IPO11: variants seen among roughly 807,000 people sequenced by gnomAD.
IPO11 encodes importin-11.
Under a neutral mutation model 143.2 loss-of-function variants are expected in IPO11, and 66 were observed. That is an observed-to-expected ratio of 0.46 (90% CI 0.38 to 0.57). The LOEUF is 0.57. IPO11 is among the 20% of genes least tolerant of loss of function. The pLI is 0.00. For missense variants in IPO11, 1,026 were observed against 1,141.0 expected (o/e 0.90, Z 1.45); for synonymous variants, 385 against 377.8 (o/e 1.02, Z -0.22).
intron 24 of IPO11, 141 bp from the exon 25 acceptor site, chr5:62,550,226 G>C: frequency 1.8e-6 from 1 of 560,580 alleles, no homozygotes; most frequent in Admixed American, 3.3e-5. Context: ...TCTAGTGTCA[G>C]AATATTGCAT....
At chr5:62,474,373 T>C in intron 7 of IPO11, 43 bp from the exon 8 acceptor site, 1 of 1,220,314 alleles carries the variant, frequency 8.2e-7, no homozygotes, top group Non-Finnish European at 1.2e-6. Flanking sequence ...GGTAAATGTT[T>C]ATAACAATAA....
chr5:62,601,714 G>A (rs1027876752), intron 28 of IPO11, 50 bp from the exon 29 acceptor site: 3 of 968,206 alleles, frequency 3.1e-6, no homozygotes, highest in African/African-American at 1.7e-5. Flanking sequence ...ATTTTTAAGT[G>A]TATTATAGAC....
chr5:62,426,016 A>G (rs1162518293), intron 1 of IPO11, among the ~76,000 whole-genome samples: 1 of 152,236 alleles, frequency 6.6e-6, no homozygotes, highest in Non-Finnish European at 1.5e-5. Flanking sequence ...TTTGATTATA[A>G]GACTCAGAGT....
chr5:62,432,408 G>A (rs1160787108), intron 1 of IPO11, among the ~76,000 whole-genome samples: 1 of 152,174 alleles, frequency 6.6e-6, no homozygotes, highest in African/African-American at 2.4e-5. Flanking sequence ...CTGGCTGGCT[G>A]GCTACCCATT....
rs115681728 is a variant in IPO11, at chr5:62,590,078, C to T, written c.2583-1499C>T. Among the ~76,000 whole-genome samples the T allele has an allele frequency of 4.8e-3, 726 of 152,324 alleles. 7 individuals carry two copies. Among genetic ancestry groups the T allele is most frequent in the African/African-American group, 0.017 (699 of 41,576 alleles). ...TCTGGATTTCAGTCTTGGCTTTAGC[C>T]GCTAGCAGCTGTGGGGACACTCCAC... On this transcript the variant is annotated intron_variant, in intron 27 of 29. Coordinates refer to ENST00000325324, the MANE Select transcript of IPO11 (RefSeq NM_016338.5).
intron 20 of IPO11, among the ~76,000 whole-genome samples, chr5:62,516,614 T>A (rs1346200205): frequency 6.6e-6 from 1 of 152,120 alleles, no homozygotes; most frequent in Non-Finnish European, 1.5e-5. Context: ...TGGTTATGGA[T>A]GACTTTTAGT....
At chr5:62,454,363 C>T (rs1561317609) in intron 5 of IPO11, among the ~76,000 whole-genome samples, 3 of 152,248 alleles carry the variant, frequency 2.0e-5, no homozygotes, top group South Asian at 2.1e-4. Flanking sequence ...ACTTCTAGGA[C>T]TTACTTTTTT....
At chr5:62,431,785 A>G (rs375942004) in intron 1 of IPO11, among the ~76,000 whole-genome samples, 11 of 152,216 alleles carry the variant, frequency 7.2e-5, no homozygotes, top group East Asian at 1.9e-4. Context: ...TATTAAAAAT[A>G]TAAAAGTTAG....
At chr5:62,438,438 A>G (rs912634572) in intron 2 of IPO11, among the ~76,000 whole-genome samples, 7 of 152,298 alleles carry the variant, frequency 4.6e-5, no homozygotes, top group East Asian at 1.9e-4. Flanking sequence ...AATTTTAGGC[A>G]TAGTATAAAT....
intron 29 of IPO11, among the ~76,000 whole-genome samples, chr5:62,611,965 A>C (rs1159701242): frequency 6.6e-6 from 1 of 152,214 alleles, no homozygotes; most frequent in Non-Finnish European, 1.5e-5. Flanking sequence ...GCCATTTTGA[A>C]GAAATTGATT....
At chr5:62,566,778 A>G (rs1279856592) in intron 27 of IPO11, among the ~76,000 whole-genome samples, 2 of 151,976 alleles carry the variant, frequency 1.3e-5, no homozygotes, top group African/African-American at 4.8e-5. Flanking sequence ...ATTCATAAAG[A>G]TATGAGTGAT....
chr5:62,609,337 G>C (rs1745846817), intron 29 of IPO11, among the ~76,000 whole-genome samples: 1 of 152,196 alleles, frequency 6.6e-6, no homozygotes. Context: ...TGGGCCATAT[G>C]ACTTCAGGCT....
chr5:62,482,221 CT>C (rs1400997663), intron 9 of IPO11, among the ~76,000 whole-genome samples: 5 of 152,092 alleles, frequency 3.3e-5, no homozygotes, highest in Non-Finnish European at 2.9e-5. Context: ...TTTTGTTGAT[CT>C]TTTCAAAAAA....
rs181819887 is a variant in IPO11, at chr5:62,623,560, G to A, written c.2764-3594G>A. Among the ~76,000 whole-genome samples, 363 of 151,904 alleles carry A rather than the reference G, an allele frequency of 2.4e-3. 2 individuals are homozygous for A. Among genetic ancestry groups the A allele is most frequent in the Admixed American group, 4.3e-3 (66 of 15,276 alleles). ...CTTATTAAGAAATACAGGAATAAAA[G>A]AATGGCTACTCCATAGGCAGAGCAG... On this transcript the variant is annotated intron_variant, in intron 29 of 29. Transcript: ENST00000325324.
chr5:62,413,973 C>T (rs1185604088), intron 1 of IPO11, among the ~76,000 whole-genome samples: 1 of 152,166 alleles, frequency 6.6e-6, no homozygotes, highest in Non-Finnish European at 1.5e-5. Context: ...CTGGTATTTT[C>T]TCTGTTTCTG....
intron 1 of IPO11, among the ~76,000 whole-genome samples, chr5:62,432,062 A>G (rs1006554848): frequency 6.6e-6 from 1 of 152,074 alleles, no homozygotes; most frequent in Non-Finnish European, 1.5e-5. Flanking sequence ...GCCCGAAAAA[A>G]CTGAAATGGT....
intron 1 of IPO11, among the ~76,000 whole-genome samples, chr5:62,421,670 G>A (rs2112097429): frequency 6.6e-6 from 1 of 152,280 alleles, no homozygotes; most frequent in Middle Eastern, 3.4e-3. Flanking sequence ...ACTGATATGG[G>A]TGGCTCCAAG....
chr5:62,595,952 A>T (rs1407484886), intron 28 of IPO11, among the ~76,000 whole-genome samples: 2 of 151,904 alleles, frequency 1.3e-5, no homozygotes, highest in Admixed American at 1.3e-4. Flanking sequence ...AGGTTTGGGA[A>T]GTAAAAAGGA....
chr5:62,539,807 T>C (rs1742866881), intron 24 of IPO11, among the ~76,000 whole-genome samples: 1 of 152,260 alleles, frequency 6.6e-6, no homozygotes, highest in African/African-American at 2.4e-5. Context: ...AATATAAGTA[T>C]ATTAAGGAAC....
Sources: allele counts gnomAD v4.1 joint callset (sites outside exome capture counted in the v4.1 genomes callset), GRCh38; gene constraint gnomAD v4.1.1; transcripts MANE v1.5; gene names NCBI Gene and HGNC (gene_info 2026-07-23, HGNC 2026-07-21).